MYO9A: variants seen among roughly 807,000 people sequenced by gnomAD.
MYO9A encodes unconventional myosin-IXa.
A neutral mutation model predicts 293.3 loss-of-function variants in MYO9A; 103 were observed. The observed-to-expected ratio is 0.35, with a 90% confidence interval of 0.30 to 0.41. The LOEUF (loss-of-function observed/expected upper bound fraction) is 0.41. MYO9A is among the 10% of genes least tolerant of loss of function. MYO9A has a pLI of 1.00. For missense variants in MYO9A, 2,685 were observed against 3,033.0 expected (o/e 0.89, Z 2.69); for synonymous variants, 1,001 against 1,035.7 (o/e 0.97, Z 0.64).
chr15:71,908,398 C>T (rs1182625853), intron 19 of MYO9A, among the ~76,000 whole-genome samples: 3 of 152,150 alleles, frequency 2.0e-5, no homozygotes, highest in African/African-American at 2.4e-5. Flanking sequence ...CTCCTGACCT[C>T]GTGATCTGCC....
At chr15:71,834,877 T>C (rs778533218) in intron 39 of MYO9A, among the ~76,000 whole-genome samples, 1 of 152,074 alleles carries the variant, frequency 6.6e-6, no homozygotes, top group Non-Finnish European at 1.5e-5. Flanking sequence ...TCAAGTAATA[T>C]AGAAAATGTA....
intron 2 of MYO9A, among the ~76,000 whole-genome samples, chr15:72,033,459 T>C (rs747205106): frequency 6.6e-6 from 1 of 152,180 alleles, no homozygotes; most frequent in Non-Finnish European, 1.5e-5. Context: ...ACCCAAAGTA[T>C]GTACCTTACA....
At chr15:72,002,634 A>G (rs961649378) in intron 8 of MYO9A, among the ~76,000 whole-genome samples, 2 of 152,262 alleles carry the variant, frequency 1.3e-5, no homozygotes, top group Admixed American at 1.3e-4. Flanking sequence ...ACAGTGTAAC[A>G]TTTATATAAA....
chr15:72,067,010 CATTAT>C (rs1419387317), intron 1 of MYO9A, among the ~76,000 whole-genome samples: 1 of 149,180 alleles, frequency 6.7e-6, no homozygotes, highest in African/African-American at 2.4e-5. Flanking sequence ...GCAATCATTA[CATTAT>C]ATATTACAAT....
intron 7 of MYO9A, among the ~76,000 whole-genome samples, chr15:72,009,078 A>G (rs1326050291): frequency 1.3e-5 from 2 of 152,222 alleles, no homozygotes; most frequent in African/African-American, 4.8e-5. Flanking sequence ...ATACAAGTCT[A>G]TTATAAAAAT....
At chr15:72,107,235 G>A (rs1338253911) in intron 1 of MYO9A, among the ~76,000 whole-genome samples, 2 of 152,110 alleles carry the variant, frequency 1.3e-5, no homozygotes, top group Non-Finnish European at 2.9e-5. Context: ...AGCATACTTA[G>A]CACCTAAATA....
intron 2 of MYO9A, chr15:72,041,117 T>C (rs2078214239): frequency 5.1e-6 from 3 of 590,634 alleles, no homozygotes; most frequent in Non-Finnish European, 9.5e-6. Context: ...TGGTGGTACA[T>C]GCCTATAATC....
chr15:72,032,321 G>T (rs1218156371), intron 3 of MYO9A, among the ~76,000 whole-genome samples, 173 bp downstream of exon 3: 1 of 152,090 alleles, frequency 6.6e-6, no homozygotes. Context: ...TGTTACATTG[G>T]TGTTAAAATT....
At chr15:72,100,076 C>A (rs1422357018) in intron 1 of MYO9A, among the ~76,000 whole-genome samples, 1 of 151,844 alleles carries the variant, frequency 6.6e-6, no homozygotes, top group Non-Finnish European at 1.5e-5. Context: ...TAGCAAGACC[C>A]CATCTCTAAA....
At chr15:72,069,993 GC>G (rs2079137848) in intron 1 of MYO9A, among the ~76,000 whole-genome samples, 1 of 151,856 alleles carries the variant, frequency 6.6e-6, no homozygotes, top group Non-Finnish European at 1.5e-5. Context: ...GGGCATGGTG[GC>G]GGCATGCACC....
At chr15:71,928,027 AATATATATATATATAT>A (rs1191908867) in intron 18 of MYO9A, among the ~76,000 whole-genome samples, 229 of 10,754 alleles carry the variant, frequency 0.021, 19 homozygotes, top group Non-Finnish European at 0.043. Flanking sequence ...ATACCTTTCT[AATATATATATATATAT>A]ATATATATAT....
At chr15:71,841,794 G>C (rs763870863) in intron 39 of MYO9A, among the ~76,000 whole-genome samples, 2 of 144,500 alleles carry the variant, frequency 1.4e-5, no homozygotes, top group Admixed American at 6.7e-5. Context: ...CGCCACCAGG[G>C]GTAGTTTTTT....
chr15:72,092,471 G>A (rs1447817549), intron 1 of MYO9A, among the ~76,000 whole-genome samples: 6 of 152,254 alleles, frequency 3.9e-5, no homozygotes, highest in South Asian at 2.1e-4. Flanking sequence ...CAGCTACTCC[G>A]GAGGCTGAGG....
intron 13 of MYO9A, among the ~76,000 whole-genome samples, chr15:71,962,636 C>A (rs1010808666): frequency 1.3e-5 from 2 of 152,074 alleles, no homozygotes; most frequent in Admixed American, 1.3e-4. Context: ...TTATTTTTAC[C>A]CAGTTCTAAC....
intron 1 of MYO9A, chr15:72,116,790 C>T (rs978891494): frequency 6.6e-6 from 1 of 152,090 alleles, no homozygotes; most frequent in African/African-American, 2.4e-5. Context: ...AACATCAGTG[C>T]TGGACAACCT....
Position 71,927,337 on chromosome 15 carries a change from C to T in MYO9A, c.2562+6333G>A, listed in dbSNP as rs142697890. Among the ~76,000 whole-genome samples the T allele has an allele frequency of 2.6e-4, 39 of 152,266 alleles. 1 individual carries two copies. The highest frequency in any genetic ancestry group is 9.4e-4 in the African/African-American group (39 of 41,546). On this transcript the variant is annotated intron_variant, in intron 18 of 41. Transcript: ENST00000356056. ...ATCATTCTGTTGATTAGTTCCTTTG[C>T]TGTGCAGAAGCTTTTGAGTTTGATG... is the stretch of plus-strand genomic sequence containing the variant.
chr15:71,938,613 T>C (rs1221833539), intron 16 of MYO9A: 1 of 358,724 alleles, frequency 2.8e-6, no homozygotes, highest in African/African-American at 2.1e-5. Flanking sequence ...GAGCTCATTT[T>C]AAGTTATTCT....
At chr15:72,074,665 C>T (rs1284982908) in intron 1 of MYO9A, among the ~76,000 whole-genome samples, 1 of 151,742 alleles carries the variant, frequency 6.6e-6, no homozygotes, top group East Asian at 1.9e-4. Flanking sequence ...TAGGGGTAGA[C>T]TCGGAGGGCA....
At position 71,852,175 on chromosome 15, in the gene MYO9A, A is replaced by T; in HGVS notation, c.6432T>A (p.Pro2144=). ...FKQWLRDLPN[P]LMTFELYEEF... is the part of the protein sequence containing the mutation. ...CCTCATAGAGTTCAAAGGTCATGAG[A>T]GGATTGGGCAAATCTCGAAGCCATT... Residue 2144 remains proline, a synonymous_variant, in exon 36 of 42, where the codon CCT becomes CCA. Coordinates refer to ENST00000356056, the MANE Select transcript of MYO9A (RefSeq NM_006901.4). 1 of 1,613,876 alleles carries T rather than the reference A, an allele frequency of 6.2e-7. No individual in the cohort carries two copies. The highest frequency in any genetic ancestry group is 8.5e-7 in the Non-Finnish European group (1 of 1,179,840).
Sources: allele counts gnomAD v4.1 joint callset (sites outside exome capture counted in the v4.1 genomes callset), GRCh38; gene constraint gnomAD v4.1.1; transcripts MANE v1.5; gene names NCBI Gene and HGNC (gene_info 2026-07-23, HGNC 2026-07-21).